MAML3: variants seen among roughly 807,000 people sequenced by gnomAD.
The protein encoded by MAML3 is mastermind like transcriptional coactivator 3, also known as mastermind-like protein 3.
A neutral mutation model predicts 101.9 loss-of-function variants in MAML3; 27 were observed. The observed-to-expected ratio is 0.27, with a 90% CI of 0.20 to 0.37. The LOEUF (loss-of-function observed/expected upper bound fraction) is 0.37. MAML3 is among the 10% of genes least tolerant of loss of function. The pLI is 1.00. For synonymous variants in MAML3, 501 were observed against 555.9 expected (o/e 0.90, Z 1.39); for missense variants, 1,316 against 1,444.9 (o/e 0.91, Z 1.45).
intron 1 of MAML3, among the ~76,000 whole-genome samples, chr4:140,048,519 G>A (rs912032569): frequency 2.0e-5 from 3 of 152,148 alleles, no homozygotes; most frequent in African/African-American, 7.2e-5. Context: ...TGTTTTCCAT[G>A]GAAAACTTAA....
intron 1 of MAML3, among the ~76,000 whole-genome samples, chr4:140,042,311 C>A (rs1018956635): frequency 6.6e-6 from 1 of 152,184 alleles, no homozygotes; most frequent in Non-Finnish European, 1.5e-5. Context: ...CATGGCTTAA[C>A]AAAACTATGC....
chr4:139,932,761 GAA>G (rs1307816616), intron 1 of MAML3, among the ~76,000 whole-genome samples: 1 of 152,126 alleles, frequency 6.6e-6, no homozygotes, highest in Non-Finnish European at 1.5e-5. Context: ...ACAAACAATT[GAA>G]AAGACAATCA....
intron 1 of MAML3, among the ~76,000 whole-genome samples, chr4:140,067,816 C>T (rs1181511347): frequency 3.3e-5 from 5 of 151,190 alleles, no homozygotes; most frequent in African/African-American, 1.2e-4. Flanking sequence ...TCACTGCAAC[C>T]TCCGCCTTCC....
intron 1 of MAML3, among the ~76,000 whole-genome samples, chr4:140,152,383 G>A (rs982471079): frequency 1.3e-5 from 2 of 152,186 alleles, no homozygotes; most frequent in African/African-American, 4.8e-5. Flanking sequence ...ACCTGCGACA[G>A]CATCAATATT....
intron 1 of MAML3, among the ~76,000 whole-genome samples, chr4:139,993,266 C>T (rs1007910284): frequency 1.3e-5 from 2 of 150,926 alleles, no homozygotes; most frequent in Admixed American, 6.6e-5. Flanking sequence ...GCAGGAGAAT[C>T]GCTTGAACCC....
chr4:139,762,901 G>GA (rs944385290), intron 2 of MAML3, among the ~76,000 whole-genome samples: 3 of 152,192 alleles, frequency 2.0e-5, no homozygotes, highest in Admixed American at 6.5e-5. Context: ...GAGGGCTGGA[G>GA]AGGGGGTGCG....
At chr4:139,765,083 C>A (rs1729833099) in intron 2 of MAML3, among the ~76,000 whole-genome samples, 1 of 152,236 alleles carries the variant, frequency 6.6e-6, no homozygotes, top group Non-Finnish European at 1.5e-5. Context: ...AGATGCCTAC[C>A]TTATCTTAGG....
intron 1 of MAML3, among the ~76,000 whole-genome samples, chr4:139,981,035 T>C (rs988304935): frequency 9.2e-5 from 14 of 152,286 alleles, no homozygotes; most frequent in African/African-American, 3.4e-4. Flanking sequence ...AAATAGTATA[T>C]TAGTTTCCTA....
intron 2 of MAML3, among the ~76,000 whole-genome samples, chr4:139,815,921 C>T (rs1001397788): frequency 3.3e-5 from 5 of 151,994 alleles, no homozygotes; most frequent in Non-Finnish European, 5.9e-5. Flanking sequence ...ATACTTCTAA[C>T]GCTTGAACCC....
At chr4:140,078,942 C>T (rs1226082091) in intron 1 of MAML3, among the ~76,000 whole-genome samples, 1 of 152,144 alleles carries the variant, frequency 6.6e-6, no homozygotes, top group African/African-American at 2.4e-5. Context: ...GAGAGAAAGT[C>T]TGGGTGGGTG....
intron 2 of MAML3, among the ~76,000 whole-genome samples, chr4:139,744,620 T>G (rs1232276994): frequency 6.6e-6 from 1 of 152,220 alleles, no homozygotes; most frequent in African/African-American, 2.4e-5. Context: ...AAACTTTTAT[T>G]GCTCAAGGAG....
chr4:139,895,326 A>G (rs531542649), intron 1 of MAML3, among the ~76,000 whole-genome samples: 1 of 152,350 alleles, frequency 6.6e-6, no homozygotes, highest in African/African-American at 2.4e-5. Flanking sequence ...TATAAGTTAC[A>G]TGAAGGCAGG....
chr4:139,821,985 C>G (rs569505485), intron 2 of MAML3, among the ~76,000 whole-genome samples: 11 of 152,086 alleles, frequency 7.2e-5, no homozygotes, highest in Non-Finnish European at 1.6e-4. Flanking sequence ...AGCAAACCAT[C>G]TATTTGGGAC....
In MAML3 at chr4:139,774,398, G is replaced by A. The variant is rs544004206; in HGVS notation, c.2080-43731C>T. ...AAGTGGCCAGCACTGTGGCTGGCACGTAGTAGGAGTTCAATCCATATCTGC... is the reference window on the plus strand; with the variant it reads ...AAGTGGCCAGCACTGTGGCTGGCACATAGTAGGAGTTCAATCCATATCTGC... On this transcript the variant is annotated intron_variant, in intron 2 of 4. Coordinates refer to ENST00000509479, the MANE Select transcript of MAML3 (RefSeq NM_018717.5). Among the ~76,000 whole-genome samples the A allele has an allele frequency of 5.3e-5, 8 of 152,326 alleles. 1 individual carries two copies. The highest frequency in any genetic ancestry group is 2.0e-4 in the Admixed American group (3 of 15,300).
chr4:140,096,910 G>T (rs1193246305), intron 1 of MAML3, among the ~76,000 whole-genome samples: 1 of 151,656 alleles, frequency 6.6e-6, no homozygotes, highest in East Asian at 1.9e-4. Context: ...TTTTTTTAAG[G>T]AGTTTTAGCA....
At chr4:139,900,603 G>A (rs1010801633) in intron 1 of MAML3, among the ~76,000 whole-genome samples, 4 of 151,866 alleles carry the variant, frequency 2.6e-5, no homozygotes, top group African/African-American at 7.3e-5. Context: ...CTCTGTATCC[G>A]AAGTTATAAA....
chr4:139,760,507 G>A (rs79576452), intron 2 of MAML3, among the ~76,000 whole-genome samples: 1,952 of 152,274 alleles, frequency 0.013, 18 homozygotes, highest in Non-Finnish European at 0.022. Context: ...TTAGCACAGC[G>A]CCTGGCTCAT....
intron 1 of MAML3, among the ~76,000 whole-genome samples, chr4:140,150,034 A>C (rs1729132303): frequency 6.7e-6 from 1 of 149,860 alleles, no homozygotes; most frequent in African/African-American, 2.5e-5. Context: ...CACACATACC[A>C]GTGAGAGATG....
At chr4:139,909,836 C>CAAAAAAAAAAAAA (rs11379402) in intron 1 of MAML3, among the ~76,000 whole-genome samples, 1 of 58,730 alleles carries the variant, frequency 1.7e-5, no homozygotes, top group Non-Finnish European at 3.1e-5. Context: ...GATGCCGTCT[C>CAAAAAAAAAAAAA]AAAAAAAAAA....
Sources: allele counts gnomAD v4.1 joint callset (sites outside exome capture counted in the v4.1 genomes callset), GRCh38; gene constraint gnomAD v4.1.1; transcripts MANE v1.5; gene names NCBI Gene and HGNC (gene_info 2026-07-23, HGNC 2026-07-21).